The following GAK variants were observed in gnomAD, a reference collection of about 807,000 sequenced individuals.
The protein encoded by GAK is cyclin G associated kinase, also known as cyclin-G-associated kinase.
GAK carries 79 observed loss-of-function variants against 143.9 expected under a neutral mutation model. That is an observed-to-expected ratio of 0.55 (90% CI 0.46 to 0.66). The LOEUF (loss-of-function observed/expected upper bound fraction) is 0.66, where lower values mean the gene tolerates loss of function less well. Ranked by LOEUF, GAK falls within the 30% of genes least tolerant of loss-of-function variation. The probability of loss-of-function intolerance (pLI) is 0.00; values close to 1 mark genes in which losing one functional copy is unlikely to be tolerated. For synonymous variants in GAK, 881 were observed against 765.5 expected (o/e 1.15, Z -2.49); for missense variants, 1,693 against 1,779.7 (o/e 0.95, Z 0.88).
At chr4:874,541 T>A (rs958670037) in intron 18 of GAK, among the ~76,000 whole-genome samples, 1 of 152,266 alleles carries the variant, frequency 6.6e-6, no homozygotes, top group Non-Finnish European at 1.5e-5. Flanking sequence ...CTCAGCTGCC[T>A]TCGGGTGTCA....
At chr4:902,192 G>A (rs1412447341) in intron 5 of GAK, among the ~76,000 whole-genome samples, 7 of 151,280 alleles carry the variant, frequency 4.6e-5, no homozygotes, top group Admixed American at 2.0e-4. Context: ...AGCCGAGATC[G>A]TGCCACTGCA....
At chr4:859,088 G>A (rs943176660) in intron 24 of GAK, 15 of 833,530 alleles carry the variant, frequency 1.8e-5, no homozygotes, top group Non-Finnish European at 2.0e-5. Flanking sequence ...AGAGACCCAG[G>A]GGCATCAGGT....
chr4:856,414 CCA>C (rs1224244126), intron 24 of GAK, among the ~76,000 whole-genome samples: 1 of 142,146 alleles, frequency 7.0e-6, no homozygotes, highest in Non-Finnish European at 1.5e-5. Context: ...CAGCTGCTCA[CCA>C]CAGCTGCTCA....
chr4:864,366 C>CA (rs1750779463), intron 23 of GAK, among the ~76,000 whole-genome samples: 1 of 152,046 alleles, frequency 6.6e-6, no homozygotes, highest in African/African-American at 2.4e-5. Context: ...GTCTCAAAAA[C>CA]AAAAACAAAA....
chr4:856,326 TCAC>T (rs33936534), intron 24 of GAK, among the ~76,000 whole-genome samples: 6,619 of 131,552 alleles, frequency 0.05, 232 homozygotes, highest in Middle Eastern at 0.087. Context: ...TCACACCTGC[TCAC>T]CACAGCTGCT....
intron 5 of GAK, 136 bp from the exon 6 acceptor site, chr4:898,294 TGCA>T (rs3830209): frequency 0.47 from 434,400 of 918,882 alleles, 106,229 homozygotes; most frequent in East Asian, 0.54. Flanking sequence ...GCCGGGTGCC[TGCA>T]GCACCTCACA....
At chr4:860,899 C>G (rs1750163396) in intron 23 of GAK, among the ~76,000 whole-genome samples, 1 of 152,208 alleles carries the variant, frequency 6.6e-6, no homozygotes, top group Non-Finnish European at 1.5e-5. Context: ...TCAACTCTGT[C>G]CGGCACCATT....
At chr4:850,319 A>G in intron 26 of GAK, 2 of 418,788 alleles carry the variant, frequency 4.8e-6, no homozygotes, top group Non-Finnish European at 8.5e-6. Context: ...CCAGATGTTC[A>G]CCGAGGACAC....
In GAK at chr4:920,539, A is replaced by AATTTTTTTTTTTTTTT. The variant is rs766096942; in HGVS notation, c.146-6872_146-6871insAAAAAAAAAAAAAAAT. On this transcript the variant is annotated intron_variant, in intron 1 of 27. Transcript: ENST00000314167. ...AAAATTGTGAAAAAGGTTTAGAGCC[A>AATTTTTTTTTTTTTTT]TTTTTTTTTTTTTTTTTTTTTTGAG... Among the ~76,000 whole-genome samples, 27 of 129,592 alleles carry AATTTTTTTTTTTTTTT rather than the reference A, an allele frequency of 2.1e-4. 1 individual carries two copies. The South Asian group carries it at 6.2e-3, about 30-fold the overall frequency. 85.0% of individuals were successfully genotyped at this position (129,592 alleles called of 152,430 possible). A position where few individuals can be genotyped will look rare whatever the true frequency, so the allele number is the denominator to read the frequency against.
intron 1 of GAK, among the ~76,000 whole-genome samples, chr4:917,381 C>A (rs1723242037): frequency 6.9e-6 from 1 of 144,440 alleles, no homozygotes; most frequent in South Asian, 2.2e-4. Flanking sequence ...ACAGAAAACT[C>A]CAGAAAACAC....
chr4:850,350 C>T, intron 26 of GAK: 1 of 376,896 alleles, frequency 2.7e-6, no homozygotes, highest in East Asian at 4.1e-5. Context: ...TCTGGTGGTG[C>T]AACCCCTTGG....
At chr4:888,825 G>A in intron 11 of GAK, 22 bp downstream of exon 11, 1 of 1,591,378 alleles carries the variant, frequency 6.3e-7, no homozygotes, top group Non-Finnish European at 8.5e-7. Flanking sequence ...GCAGGTCCAG[G>A]GCTCTGGAGC....
chr4:924,251 C>G (rs1724342275), intron 1 of GAK, among the ~76,000 whole-genome samples: 1 of 151,170 alleles, frequency 6.6e-6, no homozygotes. Flanking sequence ...GAGATCGACA[C>G]CACTGCACAC....
chr4:873,402 G>A (rs1713128342), intron 18 of GAK, among the ~76,000 whole-genome samples: 1 of 152,050 alleles, frequency 6.6e-6, no homozygotes, highest in Non-Finnish European at 1.5e-5. Context: ...ACCCAACGTG[G>A]AGTCCACTTT....
rs779208313 is a variant in GAK at position 932,014 on chromosome 4, G to T, written c.145+29C>A. ...GTCCCGGAGACAACACTCCGCGGCC[G>T]CACCCGCGCTGCCGACCCGGGGCCT... On this transcript the variant is annotated intron_variant, in intron 1 of 27. Transcript: ENST00000314167. This position sits in a 1 kb window ranked among gnomAD's most constrained non-coding sequence, Gnocchi z 4.0. The T allele has an allele frequency of 1.1e-5, 17 of 1,496,806 alleles. No individual in the cohort carries two copies. Among genetic ancestry groups the T allele is most frequent in the Non-Finnish European group, 1.5e-5 (16 of 1,094,282 alleles). 92.7% of individuals were successfully genotyped at this position (1,496,806 alleles called of 1,614,324 possible).
chr4:919,035 A>C (rs34867422), intron 1 of GAK, among the ~76,000 whole-genome samples: 1 of 118,386 alleles, frequency 8.4e-6, no homozygotes, highest in African/African-American at 3.2e-5. Flanking sequence ...ATGACCTTAG[A>C]AAGACAGAAG....
rs2152664310 is a variant in GAK at position 849,941 on chromosome 4, T to C, written c.3785A>G (p.Gln1262Arg). 6.2e-7 allele frequency: 1 copy of C among 1,609,626 alleles called. No homozygotes were observed. Among genetic ancestry groups the C allele is most frequent in the South Asian group, 1.1e-5 (1 of 90,774 alleles). Residue 1262 changes from glutamine (Q) to arginine (R), a missense_variant, in exon 27 of 28, where the codon CAA becomes CGA. By Grantham distance (43) the Gln-to-Arg change is conservative. Coordinates refer to ENST00000314167, the MANE Select transcript of GAK (RefSeq NM_005255.4). ...VGMADLVAPE[Q>R]VKKHYRRAVL... ...CGCGCGGCGATAGTGCTTCTTCACT[T>C]GCTCCGGAGCCACCAGGTCGGCCAT...
At chr4:889,061 C>T (rs9328760) in intron 10 of GAK, 91 bp from the exon 11 acceptor site, 1,203,768 of 1,437,084 alleles carry the variant, frequency 0.84, 505,584 homozygotes, top group African/African-American at 0.94. Context: ...CCCAGGCGCT[C>T]GGTCCCACCT....
chr4:854,812 G>A (rs1181307506), intron 24 of GAK, among the ~76,000 whole-genome samples: 2 of 152,150 alleles, frequency 1.3e-5, no homozygotes, highest in South Asian at 2.1e-4. Flanking sequence ...TTGGGAGGCC[G>A]AGGCGGGCGG....
Sources: allele counts gnomAD v4.1 joint callset (sites outside exome capture counted in the v4.1 genomes callset), GRCh38; gene constraint gnomAD v4.1.1; non-coding constraint Gnocchi (gnomAD v3.1); transcripts MANE v1.5; gene names NCBI Gene and HGNC (gene_info 2026-07-23, HGNC 2026-07-21).